PDE4D: variants seen among roughly 807,000 people sequenced by gnomAD.
The protein encoded by PDE4D is phosphodiesterase 4D.
PDE4D carries 24 observed loss-of-function variants against 87.4 expected under a neutral mutation model. That is an observed-to-expected ratio of 0.27 (90% CI 0.20 to 0.39). PDE4D has a LOEUF of 0.39. Among genes scored for constraint, PDE4D ranks in the 10% least tolerant of loss-of-function variants. The probability of loss-of-function intolerance (pLI) is 1.00; values close to 1 mark genes in which losing one functional copy is unlikely to be tolerated. For synonymous variants in PDE4D, 384 were observed against 383.2 expected (o/e 1.00, Z -0.02); for missense variants, 714 against 1,041.0 (o/e 0.69, Z 4.32).
intron 2 of PDE4D, among the ~76,000 whole-genome samples, chr5:60,090,822 T>A (rs1224923103): frequency 1.3e-5 from 2 of 152,160 alleles, no homozygotes; most frequent in Non-Finnish European, 2.9e-5. Context: ...AACAAATTCA[T>A]TAAAGTTGCA....
At chr5:60,473,789 A>C (rs573425267) in intron 1 of PDE4D, among the ~76,000 whole-genome samples, 2 of 151,604 alleles carry the variant, frequency 1.3e-5, no homozygotes, top group African/African-American at 4.8e-5. Flanking sequence ...TTCCAATTTC[A>C]TGGTGTTCTT....
chr5:60,108,476 C>T (rs947725763), intron 2 of PDE4D, among the ~76,000 whole-genome samples: 2 of 152,188 alleles, frequency 1.3e-5, no homozygotes, highest in African/African-American at 4.8e-5. Flanking sequence ...ATCAAGCTAC[C>T]AATGACTTTC....
At chr5:59,501,313 AT>A (rs1808252899) in intron 1 of PDE4D, among the ~76,000 whole-genome samples, 1 of 152,164 alleles carries the variant, frequency 6.6e-6, no homozygotes, top group African/African-American at 2.4e-5. Context: ...TACATAATAC[AT>A]TTGGGGTTCA....
At chr5:59,989,020 G>GT (rs1762735608) in intron 2 of PDE4D, among the ~76,000 whole-genome samples, 2 of 148,234 alleles carry the variant, frequency 1.3e-5, no homozygotes, top group Admixed American at 1.4e-4. Context: ...AAATCAAAAT[G>GT]TTTTTATAAC....
intron 2 of PDE4D, among the ~76,000 whole-genome samples, chr5:60,103,313 T>G (rs1582662202): frequency 6.6e-6 from 1 of 152,056 alleles, no homozygotes; most frequent in Non-Finnish European, 1.5e-5. Context: ...ATGAACCGAG[T>G]AGGAATATCA....
At chr5:59,510,211 G>T (rs1810057767) in intron 1 of PDE4D, among the ~76,000 whole-genome samples, 1 of 151,066 alleles carries the variant, frequency 6.6e-6, no homozygotes, top group Admixed American at 6.6e-5. Flanking sequence ...AATATATTAT[G>T]CATCAAATAT....
intron 5 of PDE4D, among the ~76,000 whole-genome samples, chr5:59,128,234 C>G (rs887632287): frequency 6.6e-6 from 1 of 151,920 alleles, no homozygotes; most frequent in African/African-American, 2.4e-5. Flanking sequence ...ACGTGAAGCC[C>G]ATATTCACCC....
At chr5:59,994,712 C>T (rs750780249) in intron 2 of PDE4D, among the ~76,000 whole-genome samples, 1 of 152,090 alleles carries the variant, frequency 6.6e-6, no homozygotes, top group Non-Finnish European at 1.5e-5. Context: ...GAGACACTTG[C>T]CAATCAGAAA....
chr5:59,392,793 C>G (rs897407358), intron 1 of PDE4D, among the ~76,000 whole-genome samples: 1 of 152,050 alleles, frequency 6.6e-6, no homozygotes, highest in Non-Finnish European at 1.5e-5. Flanking sequence ...TTGTGACCTG[C>G]TGGAAGAGTC....
intron 1 of PDE4D, among the ~76,000 whole-genome samples, chr5:59,523,106 C>G (rs894889129): frequency 6.6e-6 from 1 of 152,104 alleles, no homozygotes; most frequent in African/African-American, 2.4e-5. Flanking sequence ...TCACTATCTT[C>G]TGCTTCTCTC....
At chr5:60,237,152 T>G (rs1421352286) in intron 1 of PDE4D, among the ~76,000 whole-genome samples, 14 of 151,960 alleles carry the variant, frequency 9.2e-5, no homozygotes, top group Admixed American at 9.2e-4. Context: ...AACAACAACA[T>G]ATGGCTGTAC....
At chr5:59,080,268 T>A (rs535251615) in intron 5 of PDE4D, among the ~76,000 whole-genome samples, 1 of 152,234 alleles carries the variant, frequency 6.6e-6, no homozygotes, top group African/African-American at 2.4e-5. Context: ...CACAAATAAG[T>A]GTGATGAACG....
chr5:59,187,768 G>A (rs947363638), intron 3 of PDE4D, among the ~76,000 whole-genome samples: 2 of 152,050 alleles, frequency 1.3e-5, no homozygotes, highest in Non-Finnish European at 2.9e-5. Context: ...TATTGTGTGT[G>A]TGTGGGTTTT....
At chr5:59,020,769 G>A (rs1412700699) in intron 6 of PDE4D, among the ~76,000 whole-genome samples, 1 of 151,888 alleles carries the variant, frequency 6.6e-6, no homozygotes, top group Non-Finnish European at 1.5e-5. Flanking sequence ...AATGGAAGAA[G>A]AACAATTACC....
At chr5:60,440,801 A>G (rs936934321) in intron 1 of PDE4D, among the ~76,000 whole-genome samples, 1 of 152,142 alleles carries the variant, frequency 6.6e-6, no homozygotes, top group Non-Finnish European at 1.5e-5. Flanking sequence ...CAACAACCCT[A>G]TAAGGCAGCA....
At chr5:59,283,246 T>TA (rs1485340335) in intron 1 of PDE4D, among the ~76,000 whole-genome samples, 1 of 152,162 alleles carries the variant, frequency 6.6e-6, no homozygotes, top group Non-Finnish European at 1.5e-5. Flanking sequence ...CTTTAAAACT[T>TA]AAAAATATAT....
intron 1 of PDE4D, among the ~76,000 whole-genome samples, chr5:60,494,049 C>A (rs561592601): frequency 1.3e-5 from 2 of 152,090 alleles, no homozygotes; most frequent in Non-Finnish European, 2.9e-5. Context: ...CTTATCGGAC[C>A]CACAGACAAA....
intron 1 of PDE4D, among the ~76,000 whole-genome samples, chr5:59,400,736 TAAA>T (rs745920841): frequency 0.011 from 1,325 of 122,938 alleles, 27 homozygotes; most frequent in African/African-American, 0.04. Context: ...AGTATAATAA[TAAA>T]AAAAATAAAA....
At chr5:59,814,980 C>T (rs535363683) in intron 1 of PDE4D, among the ~76,000 whole-genome samples, 2 of 152,262 alleles carry the variant, frequency 1.3e-5, no homozygotes, top group South Asian at 2.1e-4. Context: ...GATATACACA[C>T]GTTTTTGCAC....
Sources: gnomAD v4.1 joint callset for allele counts (sites outside exome capture counted in the v4.1 genomes callset) on GRCh38, gnomAD v4.1.1 for gene constraint, MANE v1.5 for transcripts, NCBI Gene and HGNC (gene_info 2026-07-23, HGNC 2026-07-21) for gene names.